The following BCAS3 variants were observed in gnomAD, a reference collection of about 807,000 sequenced individuals.
BCAS3 encodes the protein BCAS4/BCAS3 fusion.
BCAS3 carries 53 observed loss-of-function variants against 116.1 expected under a neutral mutation model. The ratio of observed to expected loss-of-function variants is 0.46; its 90% CI spans 0.37 to 0.57. BCAS3 has a LOEUF of 0.57. Ranked by LOEUF, BCAS3 falls within the 20% of genes least tolerant of loss-of-function variation. BCAS3 has a pLI of 0.00. For synonymous variants in BCAS3, 391 were observed against 408.2 expected (o/e 0.96, Z 0.51); for missense variants, 917 against 1,165.4 (o/e 0.79, Z 3.10).
At chr17:60,732,966 G>C (rs1469218923) in intron 5 of BCAS3, among the ~76,000 whole-genome samples, 3 of 152,146 alleles carry the variant, frequency 2.0e-5, no homozygotes, top group Non-Finnish European at 1.5e-5. Context: ...GGAGAGCTAA[G>C]GTACATTATG....
At chr17:61,277,197 A>G (rs2050830839) in intron 22 of BCAS3, among the ~76,000 whole-genome samples, 1 of 146,592 alleles carries the variant, frequency 6.8e-6, no homozygotes, top group Non-Finnish European at 1.5e-5. Flanking sequence ...TAGGAGTTCA[A>G]GGTTGCAGTG....
At chr17:61,350,497 A>G (rs1432053980) in intron 22 of BCAS3, among the ~76,000 whole-genome samples, 1 of 152,054 alleles carries the variant, frequency 6.6e-6, no homozygotes, top group Non-Finnish European at 1.5e-5. Flanking sequence ...AGGGACTTAA[A>G]TCATCACTTC....
intron 5 of BCAS3, among the ~76,000 whole-genome samples, chr17:60,710,587 A>G (rs1178797517): frequency 3.3e-5 from 5 of 151,746 alleles, no homozygotes; most frequent in Admixed American, 6.6e-5. Flanking sequence ...GCCCGCCACC[A>G]CGCCTGGCTA....
intron 7 of BCAS3, among the ~76,000 whole-genome samples, chr17:60,824,724 A>G (rs772712933): frequency 3.3e-5 from 5 of 152,098 alleles, no homozygotes; most frequent in African/African-American, 7.2e-5. Flanking sequence ...CATAATTGTT[A>G]TTTAAAGTTA....
chr17:61,217,767 A>G lies in BCAS3; in HGVS notation c.2425+133203A>G. Among the ~76,000 whole-genome samples, 1 of 152,052 alleles carries G rather than the reference A, an allele frequency of 6.6e-6. No homozygotes were observed. Among genetic ancestry groups the G allele is most frequent in the Admixed American group, 6.6e-5 (1 of 15,260 alleles). ...TAACATCCCACACTGCTTTGCTTCT[A>G]CTCCTCTAAGCCTTTTTTCCCCTCC... is the stretch of plus-strand genomic sequence containing the variant. On this transcript the variant is annotated intron_variant, in intron 22 of 23. Transcript: ENST00000407086. This position sits in a 1 kb window ranked among gnomAD's most constrained non-coding sequence, Gnocchi z 5.2.
chr17:60,721,959 T>C (rs1329565352), intron 5 of BCAS3, among the ~76,000 whole-genome samples: 1 of 152,190 alleles, frequency 6.6e-6, no homozygotes. Context: ...TGGTCATAGA[T>C]TTAAAAGGTA....
intron 22 of BCAS3, among the ~76,000 whole-genome samples, chr17:61,336,407 C>T (rs2056727744): frequency 6.6e-6 from 1 of 152,236 alleles, no homozygotes; most frequent in Non-Finnish European, 1.5e-5. Flanking sequence ...CCTGCATTCT[C>T]TTAGGCTTCT....
In BCAS3 at chr17:61,083,206, C is replaced by G. The variant is rs1356410444; in HGVS notation, c.2328-1261C>G. ...TCCCTGTTCCAGCTCTGCAAGATCT[C>G]TAACTGATGTGGACCCTGCATGTAT... On this transcript the variant is annotated intron_variant, in intron 21 of 23. Transcript: ENST00000407086. This position sits in a 1 kb window ranked among gnomAD's most constrained non-coding sequence, Gnocchi z 4.9. 1.3e-5 allele frequency among the ~76,000 whole-genome samples: 2 copies of G among 152,210 alleles called. No individual in the cohort carries two copies. Among genetic ancestry groups the G allele is most frequent in the African/African-American group, 2.4e-5 (1 of 41,454 alleles).
rs745632666 is a variant in BCAS3, at chr17:61,226,361, A to C, written c.2425+141797A>C. Among the ~76,000 whole-genome samples, 3 of 152,368 alleles carry C rather than the reference A, an allele frequency of 2.0e-5. No homozygotes were observed. The highest frequency in any genetic ancestry group is 4.4e-5 in the Non-Finnish European group (3 of 68,038). ...AGATTGGCAATATTTGAAACATTTA[A>C]ATTATATTAACAGTTTTTCTTTTTT... On this transcript the variant is annotated intron_variant, in intron 22 of 23. Coordinates refer to ENST00000407086, the MANE Select transcript of BCAS3 (RefSeq NM_017679.5). This position sits in a 1 kb window ranked among gnomAD's most constrained non-coding sequence, Gnocchi z 6.0.
chr17:61,187,064 GA>G (rs1290617704), intron 22 of BCAS3, among the ~76,000 whole-genome samples: 5 of 151,868 alleles, frequency 3.3e-5, no homozygotes, highest in Admixed American at 6.6e-5. Flanking sequence ...TTGAGTAGGG[GA>G]AAAAAATGAA....
chr17:61,069,683 C>A (rs2071104331), intron 19 of BCAS3, among the ~76,000 whole-genome samples: 1 of 151,854 alleles, frequency 6.6e-6, no homozygotes, highest in Non-Finnish European at 1.5e-5. Context: ...ACTAAAAATA[C>A]AAAAATTAGC....
chr17:61,022,453 C>T (rs760431437), intron 16 of BCAS3, among the ~76,000 whole-genome samples: 2 of 152,058 alleles, frequency 1.3e-5, no homozygotes, highest in Non-Finnish European at 2.9e-5. Flanking sequence ...ACTGTGTTAG[C>T]CAGGATGGTC....
In BCAS3 at chr17:61,367,940, C is replaced by T. The variant is rs2058827573; in HGVS notation, c.2426-387C>T. The T allele has an allele frequency of 6.3e-6, 1 of 159,916 alleles. No homozygotes were observed. The highest frequency in any genetic ancestry group is 6.4e-5 in the Admixed American group (1 of 15,698). The allele number at this position is 159,916 out of a possible 1,614,324, so 9.9% of individuals were successfully genotyped here. A position where few individuals can be genotyped will look rare whatever the true frequency, so the allele number is the denominator to read the frequency against. The stretch of plus-strand genomic sequence containing the variant: ...GGATTGCAGGTGTAAGGCACCACTC[C>T]CCGCCCTAAATGAAATTGTAGATGG... On this transcript the variant is annotated intron_variant, in intron 22 of 23. Coordinates refer to ENST00000407086, the MANE Select transcript of BCAS3 (RefSeq NM_017679.5). The surrounding 1 kb of genome is among the most constrained non-coding windows in gnomAD (Gnocchi z 6.2).
chr17:61,241,114 C>T lies in BCAS3; in HGVS notation c.2426-127213C>T, dbSNP rs932033869. 1.3e-5 allele frequency among the ~76,000 whole-genome samples: 2 copies of T among 152,182 alleles called. No individual in the cohort carries two copies. Among genetic ancestry groups the T allele is most frequent in the African/African-American group, 4.8e-5 (2 of 41,452 alleles). The stretch of plus-strand genomic sequence containing the variant: ...GAATAGCAATTACAATACAGTTAAG[C>T]TTTCTTTGGGGGACCCTCATATAGT... On this transcript the variant is annotated intron_variant, in intron 22 of 23. Coordinates refer to ENST00000407086, the MANE Select transcript of BCAS3 (RefSeq NM_017679.5). The surrounding 1 kb of genome is among the most constrained non-coding windows in gnomAD (Gnocchi z 4.6).
At position 60,961,179 on chromosome 17, in the gene BCAS3, G is replaced by C. The variant is rs996565311; in HGVS notation, c.1221+13827G>C. ...GAATGGCAGTAAGGGAGACATTTGAGGTCAGGGAGAAATTTTGAAAAACTT... is the reference window on the plus strand; with the variant it reads ...GAATGGCAGTAAGGGAGACATTTGACGTCAGGGAGAAATTTTGAAAAACTT... On this transcript the variant is annotated intron_variant, in intron 14 of 23. Coordinates refer to ENST00000407086, the MANE Select transcript of BCAS3 (RefSeq NM_017679.5). The surrounding 1 kb of genome is among the most constrained non-coding windows in gnomAD (Gnocchi z 4.8). 2.0e-5 allele frequency among the ~76,000 whole-genome samples: 3 copies of C among 152,156 alleles called. No homozygotes were observed. Among genetic ancestry groups the C allele is most frequent in the Non-Finnish European group, 4.4e-5 (3 of 68,032 alleles).
intron 14 of BCAS3, among the ~76,000 whole-genome samples, chr17:60,952,363 A>G (rs1007274732): frequency 5.9e-5 from 9 of 151,428 alleles, no homozygotes; most frequent in East Asian, 3.9e-4. Flanking sequence ...TCTGTTGCCC[A>G]GGCTGGAGTG....
chr17:61,301,686 A>G (rs539562765), intron 22 of BCAS3, among the ~76,000 whole-genome samples: 1 of 152,310 alleles, frequency 6.6e-6, no homozygotes, highest in Non-Finnish European at 1.5e-5. Flanking sequence ...GTTGCTAACT[A>G]CTGTTTTCTG....
intron 7 of BCAS3, among the ~76,000 whole-genome samples, chr17:60,816,518 C>T (rs1598912845): frequency 1.3e-5 from 2 of 152,172 alleles, no homozygotes; most frequent in East Asian, 3.9e-4. Flanking sequence ...CGTGATCCGC[C>T]CGCCTCGGCC....
At chr17:61,005,287 T>G (rs942727021) in intron 15 of BCAS3, among the ~76,000 whole-genome samples, 1 of 152,092 alleles carries the variant, frequency 6.6e-6, no homozygotes, top group Admixed American at 6.6e-5. Context: ...ATTTTTTTCT[T>G]TTTCTTTTTT....
Sources: gnomAD v4.1 joint callset for allele counts (sites outside exome capture counted in the v4.1 genomes callset) on GRCh38, gnomAD v4.1.1 for gene constraint, Gnocchi (gnomAD v3.1) non-coding constraint, MANE v1.5 for transcripts, NCBI Gene and HGNC (gene_info 2026-07-23, HGNC 2026-07-21) for gene names.